ERBB4: variants seen among roughly 807,000 people sequenced by gnomAD.
ERBB4 encodes the protein erb-b2 receptor tyrosine kinase 4, also known as receptor tyrosine-protein kinase erbB-4.
ERBB4 carries 42 observed loss-of-function variants against 158.0 expected under a neutral mutation model. The observed-to-expected ratio is 0.27, with a 90% CI of 0.21 to 0.34. ERBB4 has a LOEUF of 0.34. Among genes scored for constraint, ERBB4 ranks in the 10% least tolerant of loss-of-function variants. The pLI, the probability that ERBB4 is intolerant of heterozygous loss-of-function variation, is 1.00. For missense variants in ERBB4, 1,333 were observed against 1,624.1 expected, an observed-to-expected ratio of 0.82 and a Z score of 3.08; for synonymous variants, 583 against 558.7, an observed-to-expected ratio of 1.04 and a Z score of -0.61.
chr2:211,888,856 C>T (rs1328693113), intron 3 of ERBB4, among the ~76,000 whole-genome samples: 4 of 151,570 alleles, frequency 2.6e-5, no homozygotes, highest in Non-Finnish European at 5.9e-5. Context: ...TAAAAAACGG[C>T]GAACCATGAG....
chr2:211,996,709 C>A (rs2082208583), intron 2 of ERBB4, among the ~76,000 whole-genome samples: 3 of 152,176 alleles, frequency 2.0e-5, no homozygotes, highest in Admixed American at 1.3e-4. Flanking sequence ...GGCTTTGCTG[C>A]ATGAGTTGTT....
Position 211,969,179 on chromosome 2 carries a change from AG to A in ERBB4, c.235-21564del, listed in dbSNP as rs145753572. On this transcript the variant is annotated intron_variant, in intron 2 of 27. Coordinates refer to ENST00000342788, the MANE Select transcript of ERBB4 (RefSeq NM_005235.3). ...TATAAAAGCATACCCCCTTTAGGAAAGCAGTGACAAAAGTTAAGACAACTGC... is the reference window on the plus strand; with the variant it reads ...TATAAAAGCATACCCCCTTTAGGAAACAGTGACAAAAGTTAAGACAACTGC... 4.7e-3 allele frequency among the ~76,000 whole-genome samples: 721 copies of A among 152,122 alleles called. 7 individuals are homozygous for A. The highest frequency in any genetic ancestry group is 0.016 in the African/African-American group (679 of 41,560).
At chr2:211,987,061 G>A (rs1025804453) in intron 2 of ERBB4, among the ~76,000 whole-genome samples, 5 of 152,004 alleles carry the variant, frequency 3.3e-5, no homozygotes, top group South Asian at 4.1e-4. Flanking sequence ...TGGCTCACAC[G>A]TGTAATCCCA....
Position 211,380,209 on chromosome 2 carries a change from A to G in ERBB4, c.*3406T>C, listed in dbSNP as rs1261203051. 4.3e-6 allele frequency: 1 copy of G among 232,192 alleles called. No homozygotes were observed. The highest frequency in any genetic ancestry group is 8.5e-6 in the Non-Finnish European group (1 of 117,512). The allele number at this position is 232,192 out of a possible 1,614,324, so 14.4% of individuals were successfully genotyped here. On this transcript the variant is annotated 3_prime_UTR_variant, in exon 28 of 28. Coordinates refer to ENST00000342788, the MANE Select transcript of ERBB4 (RefSeq NM_005235.3). ...ATTCTCATCCTAAGCTGTGCTACTAATACTATGCAGAAAACCAGGAGCTGC... is the reference window on the plus strand; with the variant it reads ...ATTCTCATCCTAAGCTGTGCTACTAGTACTATGCAGAAAACCAGGAGCTGC...
chr2:211,892,533 A>G (rs1377740545), intron 3 of ERBB4, among the ~76,000 whole-genome samples: 2 of 141,478 alleles, frequency 1.4e-5, no homozygotes, highest in Non-Finnish European at 3.1e-5. Flanking sequence ...CTCCAATTCA[A>G]CATAGTGTTG....
At chr2:212,058,640 G>A (rs544837983) in intron 2 of ERBB4, among the ~76,000 whole-genome samples, 8 of 152,136 alleles carry the variant, frequency 5.3e-5, no homozygotes, top group African/African-American at 9.6e-5. Flanking sequence ...TTCAACATAC[G>A]CAAATCAATC....
intron 15 of ERBB4, among the ~76,000 whole-genome samples, 178 bp downstream of exon 15, chr2:211,665,145 G>T (rs1035047468): frequency 6.6e-6 from 1 of 152,126 alleles, no homozygotes; most frequent in African/African-American, 2.4e-5. Context: ...ATATTTAAGG[G>T]TGTACAAAGT....
At chr2:211,448,912 T>C (rs997401719) in intron 20 of ERBB4, among the ~76,000 whole-genome samples, 5 of 152,138 alleles carry the variant, frequency 3.3e-5, no homozygotes, top group Admixed American at 2.0e-4. Flanking sequence ...TAAAATCTCT[T>C]TGGGTAAACT....
chr2:212,393,077 TC>T (rs1258979105), intron 1 of ERBB4, among the ~76,000 whole-genome samples: 1 of 152,094 alleles, frequency 6.6e-6, no homozygotes, highest in Non-Finnish European at 1.5e-5. Flanking sequence ...CCTTGCATTT[TC>T]TTTTTTCTAC....
intron 2 of ERBB4, among the ~76,000 whole-genome samples, chr2:212,065,020 TGTGTGTGTTG>T (rs1402087169): frequency 6.7e-6 from 1 of 149,960 alleles, no homozygotes; most frequent in East Asian, 2.0e-4. Context: ...TGTGTGTGTG[TGTGTGTGTTG>T]TGTGTGTGTG....
Position 211,909,552 on chromosome 2 carries a change from A to G in ERBB4, c.421+37878T>C, listed in dbSNP as rs80182325. ...AATACTATAAACAATTATAAAGACA[A>G]TGGCAAGTATTTGTGTATCTAATCA... On this transcript the variant is annotated intron_variant, in intron 3 of 27. Coordinates refer to ENST00000342788, the MANE Select transcript of ERBB4 (RefSeq NM_005235.3). Among the ~76,000 whole-genome samples the G allele has an allele frequency of 3.1e-3, 477 of 151,960 alleles. 5 individuals carry two copies. The highest frequency in any genetic ancestry group is 0.011 in the African/African-American group (460 of 41,554).
At chr2:212,060,664 C>T (rs1028417201) in intron 2 of ERBB4, among the ~76,000 whole-genome samples, 1 of 133,630 alleles carries the variant, frequency 7.5e-6, no homozygotes, top group Non-Finnish European at 1.7e-5. Flanking sequence ...TTTGTAGGGA[C>T]ATGGATGAAT....
chr2:212,228,459 T>C (rs572133420), intron 1 of ERBB4, among the ~76,000 whole-genome samples: 5 of 152,292 alleles, frequency 3.3e-5, no homozygotes, highest in African/African-American at 1.2e-4. Context: ...AATCACATAT[T>C]TCCAATAGAA....
At chr2:211,420,666 T>C in intron 24 of ERBB4, 55 bp from the exon 25 acceptor site, 1 of 1,409,882 alleles carries the variant, frequency 7.1e-7, no homozygotes, top group Non-Finnish European at 1.0e-6. Context: ...ATCTTAAATA[T>C]GTGGTCTCTG....
At chr2:212,191,607 CCTGTTATATATAACACATGTGT>C (rs1559701950) in intron 1 of ERBB4, among the ~76,000 whole-genome samples, 3 of 136,180 alleles carry the variant, frequency 2.2e-5, no homozygotes, top group Non-Finnish European at 4.7e-5. Context: ...ATGTGTTATG[CCTGTTATATATAACACATGTGT>C]TATGCATGCT....
chr2:211,524,427 G>GC (rs2066280896), intron 20 of ERBB4, among the ~76,000 whole-genome samples: 1 of 151,050 alleles, frequency 6.6e-6, no homozygotes, highest in Admixed American at 6.5e-5. Context: ...GTGGAGCAGG[G>GC]GGTGGTGCTC....
chr2:212,399,971 G>A (rs1473120621), intron 1 of ERBB4, among the ~76,000 whole-genome samples: 1 of 152,020 alleles, frequency 6.6e-6, no homozygotes, highest in East Asian at 1.9e-4. Flanking sequence ...GAGTCTATGG[G>A]GGCGGAGAAA....
In ERBB4 at chr2:212,237,979, T is replaced by C. The variant is rs368686002; in HGVS notation, c.83-113076A>G. 7.2e-5 allele frequency among the ~76,000 whole-genome samples: 11 copies of C among 152,308 alleles called. No homozygotes were observed. The East Asian group carries it at 2.1e-3, about 29-fold the overall frequency. ...ACTTCAGACTGCTGTGCTGGCAGCA[T>C]GAATTTCAAGCCAGTGGATTTTAGC... On this transcript the variant is annotated intron_variant, in intron 1 of 27. Coordinates refer to ENST00000342788, the MANE Select transcript of ERBB4 (RefSeq NM_005235.3).
At chr2:211,420,740 A>C in intron 24 of ERBB4, 129 bp from the exon 25 acceptor site, 1 of 843,330 alleles carries the variant, frequency 1.2e-6, no homozygotes, top group Non-Finnish European at 1.9e-6. Context: ...TTAAAAAAAC[A>C]AGTCTTTAGC....
Sources: gnomAD v4.1 joint callset for allele counts (sites outside exome capture counted in the v4.1 genomes callset) on GRCh38, gnomAD v4.1.1 for gene constraint, MANE v1.5 for transcripts, NCBI Gene and HGNC (gene_info 2026-07-23, HGNC 2026-07-21) for gene names.